The following GABRG3 variants were observed in gnomAD, a reference collection of about 807,000 sequenced individuals.
GABRG3 encodes gamma-aminobutyric acid type A receptor subunit gamma3.
GABRG3 carries 25 observed loss-of-function variants against 48.8 expected under a neutral mutation model. That is an observed-to-expected ratio of 0.51 (90% CI 0.37 to 0.72). The LOEUF is 0.72. Ranked by LOEUF, GABRG3 falls within the 30% of genes least tolerant of loss-of-function variation. The pLI is 0.00. For missense variants in GABRG3, 394 were observed against 577.9 expected (o/e 0.68, Z 3.26); for synonymous variants, 227 against 217.6 (o/e 1.04, Z -0.38).
At chr15:27,328,014 C>T (rs920349591) in intron 4 of GABRG3, among the ~76,000 whole-genome samples, 16 of 151,792 alleles carry the variant, frequency 1.1e-4, no homozygotes, top group Admixed American at 3.9e-4. Flanking sequence ...CCCACACAGG[C>T]GCAGATGGAC....
chr15:27,258,343 C>T (rs1890681050), intron 3 of GABRG3, among the ~76,000 whole-genome samples: 1 of 152,182 alleles, frequency 6.6e-6, no homozygotes, highest in Admixed American at 6.5e-5. Flanking sequence ...CTCTGTCTCT[C>T]CTCCCCCTCT....
intron 3 of GABRG3, among the ~76,000 whole-genome samples, chr15:27,169,503 C>T (rs376037087): frequency 4.6e-5 from 7 of 152,144 alleles, no homozygotes; most frequent in East Asian, 1.9e-4. Flanking sequence ...TGGTGAGTGC[C>T]GAAAGCTATG....
At position 27,313,307 on chromosome 15, in the gene GABRG3, T is replaced by TATAC. The variant is rs1555370939; in HGVS notation, c.271-13501_271-13498dup. Among the ~76,000 whole-genome samples the TATAC allele has an allele frequency of 2.0e-4, 20 of 98,960 alleles. 1 individual carries two copies. Among genetic ancestry groups the TATAC allele is most frequent in the Admixed American group, 1.8e-3 (15 of 8,460 alleles). 64.9% of individuals were successfully genotyped at this position (98,960 alleles called of 152,430 possible). A position where few individuals can be genotyped will look rare whatever the true frequency, so the allele number is the denominator to read the frequency against. On this transcript the variant is annotated intron_variant, in intron 3 of 9. Coordinates refer to ENST00000615808, the MANE Select transcript of GABRG3 (RefSeq NM_033223.5). ...ATATATATATATATATATATATATATATACCCAACATCAGCACACCAAAAT... is the reference window on the plus strand; with the variant it reads ...ATATATATATATATATATATATATATATACATACCCAACATCAGCACACCAAAAT...
intron 3 of GABRG3, among the ~76,000 whole-genome samples, chr15:27,316,387 C>CAAAAA (rs749930128): frequency 3.6e-4 from 15 of 41,604 alleles, no homozygotes; most frequent in East Asian, 1.3e-3. Context: ...GACTCCGTCT[C>CAAAAA]AAAAAAAAAA....
intron 5 of GABRG3, among the ~76,000 whole-genome samples, chr15:27,394,662 T>G (rs1271938667): frequency 6.6e-6 from 1 of 152,190 alleles, no homozygotes; most frequent in Non-Finnish European, 1.5e-5. Flanking sequence ...GCTCTCAGTT[T>G]TTAAAACCTG....
At chr15:27,522,723 T>A (rs1371002374) in intron 7 of GABRG3, among the ~76,000 whole-genome samples, 2 of 151,650 alleles carry the variant, frequency 1.3e-5, no homozygotes, top group Non-Finnish European at 3.0e-5. Context: ...TAGGAGCATA[T>A]AATAATAATA....
chr15:27,314,082 G>GA (rs991027540), intron 3 of GABRG3, among the ~76,000 whole-genome samples: 3 of 151,644 alleles, frequency 2.0e-5, no homozygotes, highest in Admixed American at 6.6e-5. Context: ...AGAAAAGAAA[G>GA]AAAAAAGAAG....
chr15:27,030,654 A>T (rs1409236034), intron 3 of GABRG3, among the ~76,000 whole-genome samples: 1 of 151,034 alleles, frequency 6.6e-6, no homozygotes, highest in African/African-American at 2.4e-5. Context: ...ATCCACTTCA[A>T]GCAGCCTTTT....
At chr15:27,375,978 A>G (rs1392997708) in intron 5 of GABRG3, among the ~76,000 whole-genome samples, 1 of 152,356 alleles carries the variant, frequency 6.6e-6, no homozygotes, top group Middle Eastern at 3.4e-3. Flanking sequence ...CCTTCTGCCT[A>G]TGAGCCTGTA....
chr15:27,252,025 G>A (rs567888186), intron 3 of GABRG3, among the ~76,000 whole-genome samples: 18 of 152,322 alleles, frequency 1.2e-4, no homozygotes, highest in East Asian at 3.9e-4. Flanking sequence ...AGATGTGCCC[G>A]CTGGAAAAAG....
chr15:27,211,792 T>C (rs145888335), intron 3 of GABRG3, among the ~76,000 whole-genome samples: 63 of 152,358 alleles, frequency 4.1e-4, no homozygotes, highest in African/African-American at 1.3e-3. Flanking sequence ...ACTTACTATA[T>C]ATTCATGAGC....
At chr15:27,394,747 T>C (rs1416719378) in intron 5 of GABRG3, among the ~76,000 whole-genome samples, 1 of 152,210 alleles carries the variant, frequency 6.6e-6, no homozygotes, top group Non-Finnish European at 1.5e-5. Flanking sequence ...ACAATCTTTT[T>C]CTTATGACAG....
intron 3 of GABRG3, among the ~76,000 whole-genome samples, chr15:27,058,937 T>C (rs74006569): frequency 6.6e-6 from 1 of 152,344 alleles, no homozygotes; most frequent in African/African-American, 2.4e-5. Context: ...ATGAACCCTA[T>C]ACACAAATGA....
intron 3 of GABRG3, among the ~76,000 whole-genome samples, chr15:27,032,888 C>T (rs35679219): frequency 0.067 from 10,265 of 152,188 alleles, 438 homozygotes; most frequent in East Asian, 0.19. Context: ...TGCAGTCTTG[C>T]AGAGGCTCCA....
intron 3 of GABRG3, among the ~76,000 whole-genome samples, chr15:27,207,212 T>C (rs1888883385): frequency 6.6e-6 from 1 of 152,122 alleles, no homozygotes; most frequent in South Asian, 2.1e-4. Flanking sequence ...ACGAGTGCCT[T>C]GGGCTCACCA....
At chr15:27,472,785 T>A (rs982636470) in intron 5 of GABRG3, among the ~76,000 whole-genome samples, 5 of 152,196 alleles carry the variant, frequency 3.3e-5, no homozygotes, top group African/African-American at 1.2e-4. Flanking sequence ...ATGTACTCTC[T>A]CTCTGTCTCT....
chr15:27,168,943 C>T (rs571385242), intron 3 of GABRG3, among the ~76,000 whole-genome samples: 5 of 152,346 alleles, frequency 3.3e-5, no homozygotes, highest in African/African-American at 1.2e-4. Context: ...GAGAGCCGTG[C>T]AGCCATGACC....
At chr15:27,366,645 G>T (rs1895210432) in intron 5 of GABRG3, among the ~76,000 whole-genome samples, 1 of 151,964 alleles carries the variant, frequency 6.6e-6, no homozygotes, top group South Asian at 2.1e-4. Flanking sequence ...TCTTCACGGG[G>T]GTGAGAGGAG....
intron 3 of GABRG3, among the ~76,000 whole-genome samples, chr15:27,323,779 T>C (rs548302088): frequency 1.4e-4 from 22 of 152,250 alleles, no homozygotes; most frequent in African/African-American, 5.1e-4. Context: ...ACCCTTTCCC[T>C]CCTTCCCCAC....
Sources: gnomAD v4.1 joint callset for allele counts (sites outside exome capture counted in the v4.1 genomes callset) on GRCh38, gnomAD v4.1.1 for gene constraint, MANE v1.5 for transcripts, NCBI Gene and HGNC (gene_info 2026-07-23, HGNC 2026-07-21) for gene names.